Variants in PDIA5 observed in about 807,000 individuals in gnomAD.
PDIA5 encodes the protein protein disulfide-isomerase A5.
Under a neutral mutation model 77.6 loss-of-function variants are expected in PDIA5, and 58 were observed. That is an observed-to-expected ratio of 0.75 (90% CI 0.61 to 0.93). The LOEUF (loss-of-function observed/expected upper bound fraction) is 0.93, where lower values mean the gene tolerates loss of function less well. Ranked by LOEUF, PDIA5 falls within the 40% of genes least tolerant of loss-of-function variation. The probability of loss-of-function intolerance (pLI) is 0.00; values close to 1 mark genes in which losing one functional copy is unlikely to be tolerated. For synonymous variants in PDIA5, 250 were observed against 252.1 expected, an observed-to-expected ratio of 0.99 and a Z score of 0.08; for missense variants, 630 against 647.7, an observed-to-expected ratio of 0.97 and a Z score of 0.30.
In PDIA5 at chr3:123,120,479, C is replaced by A. The variant is rs576918017; in HGVS notation, c.610-3587C>A. ...TCTCTTCCCTACAGCTGCCCTGCACCACATTCCTTCCACCGGCTAGATGGG... is the reference window on the plus strand; with the variant it reads ...TCTCTTCCCTACAGCTGCCCTGCACAACATTCCTTCCACCGGCTAGATGGG... On this transcript the variant is annotated intron_variant, in intron 8 of 16. Coordinates refer to ENST00000316218, the MANE Select transcript of PDIA5 (RefSeq NM_006810.4). Among the ~76,000 whole-genome samples the A allele has an allele frequency of 7.2e-5, 11 of 152,356 alleles. No homozygotes were observed. The East Asian group carries it at 2.1e-3, about 29-fold the overall frequency.
chr3:123,146,030 T>C, intron 12 of PDIA5, 69 bp from the exon 13 acceptor site: 8 of 1,477,604 alleles, frequency 5.4e-6, no homozygotes, highest in Non-Finnish European at 6.5e-6. Context: ...GGGCAGCGTC[T>C]GGGCTCCTGT....
At chr3:123,097,683 G>C (rs544755722) in intron 3 of PDIA5, among the ~76,000 whole-genome samples, 2 of 151,552 alleles carry the variant, frequency 1.3e-5, no homozygotes, top group African/African-American at 2.4e-5. Flanking sequence ...CTCAGCACTC[G>C]CCCCCGCCCC....
intron 1 of PDIA5, among the ~76,000 whole-genome samples, chr3:123,085,872 T>C (rs1047276860): frequency 1.1e-4 from 16 of 152,226 alleles, no homozygotes; most frequent in Non-Finnish European, 2.9e-5. Context: ...TTATTTTTTT[T>C]CCCTTTAATC....
At chr3:123,105,355 A>G (rs1934699741) in intron 5 of PDIA5, among the ~76,000 whole-genome samples, 1 of 152,098 alleles carries the variant, frequency 6.6e-6, no homozygotes, top group South Asian at 2.1e-4. Flanking sequence ...CATCTTTCTC[A>G]CATGGCCTGG....
chr3:123,150,276 G>C lies in PDIA5; in HGVS notation c.1185G>C (p.Gln395His). ...PPPPEPTWEE[Q>H]QTSVLHLVGD... ...CCCCAGAGCCCACGTGGGAAGAGCA[G>C]CAGACAAGCGTGTTGCACCTGGTGG... Residue 395 changes from glutamine to histidine, a missense_variant, in exon 14 of 17, where the codon CAG becomes CAC. By Grantham distance (24) the Gln-to-His change is conservative. Coordinates refer to ENST00000316218, the MANE Select transcript of PDIA5 (RefSeq NM_006810.4). The C allele has an allele frequency of 6.2e-7, 1 of 1,613,522 alleles. No homozygotes were observed. The highest frequency in any genetic ancestry group is 8.5e-7 in the Non-Finnish European group (1 of 1,179,624).
chr3:123,132,838 C>A (rs1309357064), intron 11 of PDIA5, among the ~76,000 whole-genome samples: 5 of 152,186 alleles, frequency 3.3e-5, no homozygotes, highest in Non-Finnish European at 5.9e-5. Flanking sequence ...GGTCTTCATC[C>A]CCATGTGTCT....
At chr3:123,112,979 A>G (rs1361711548) in intron 7 of PDIA5, among the ~76,000 whole-genome samples, 2 of 152,174 alleles carry the variant, frequency 1.3e-5, no homozygotes, top group African/African-American at 4.8e-5. Context: ...CACTTGCTGT[A>G]GATCCAGCTC....
At chr3:123,091,233 T>C (rs1042944995) in intron 2 of PDIA5, among the ~76,000 whole-genome samples, 1 of 152,204 alleles carries the variant, frequency 6.6e-6, no homozygotes, top group African/African-American at 2.4e-5. Context: ...TGTTTGCTTC[T>C]GTGAAAGGCT....
At chr3:123,102,631 T>A (rs2241962) in intron 4 of PDIA5, 120 bp from the exon 5 acceptor site, 698,688 of 817,868 alleles carry the variant, frequency 0.85, 298,655 homozygotes, top group Non-Finnish European at 0.89. Context: ...TTATTTCTTT[T>A]AAAAAAAAAT....
intron 11 of PDIA5, among the ~76,000 whole-genome samples, chr3:123,133,201 GA>G (rs1935412728): frequency 6.6e-6 from 1 of 152,194 alleles, no homozygotes; most frequent in African/African-American, 2.4e-5. Flanking sequence ...CAGTGATCAA[GA>G]AACCACTTTT....
At chr3:123,117,222 G>T (rs899400416) in intron 8 of PDIA5, among the ~76,000 whole-genome samples, 2 of 151,488 alleles carry the variant, frequency 1.3e-5, no homozygotes, top group Non-Finnish European at 2.9e-5. Context: ...CAGTTCAGTA[G>T]CATTAAGTAT....
chr3:123,067,537 G>C (rs959513519), intron 1 of PDIA5: 4 of 327,110 alleles, frequency 1.2e-5, no homozygotes, highest in African/African-American at 4.3e-5. Context: ...GGCGGGCTGC[G>C]GGGTGAGCTC....
intron 11 of PDIA5, chr3:123,145,177 CCTGCCCTCTTGG>C (rs1935739360): frequency 4.4e-6 from 1 of 228,328 alleles, no homozygotes; most frequent in African/African-American, 2.3e-5. Context: ...TGGGCAGTCA[CCTGCCCTCTTGG>C]TGCCTCAATT....
chr3:123,130,411 G>A, intron 10 of PDIA5, 69 bp from the exon 11 acceptor site: 1 of 1,519,258 alleles, frequency 6.6e-7, no homozygotes, highest in Non-Finnish European at 8.9e-7. Flanking sequence ...GGGTCCAGGG[G>A]CCTGGAATTA....
intron 1 of PDIA5, among the ~76,000 whole-genome samples, chr3:123,072,023 G>T (rs1443968943): frequency 6.6e-6 from 1 of 150,728 alleles, no homozygotes; most frequent in Non-Finnish European, 1.5e-5. Flanking sequence ...TAAATGCCTG[G>T]CAAAGCTGTG....
chr3:123,069,545 G>A (rs551877125), intron 1 of PDIA5, among the ~76,000 whole-genome samples: 35 of 152,242 alleles, frequency 2.3e-4, no homozygotes, highest in Middle Eastern at 3.4e-3. Flanking sequence ...CCAAAAGTCC[G>A]AAATCAGGGT....
rs66567660 is a variant in PDIA5, at chr3:123,072,912, C to CTGTGTGTG, written c.42+5730_42+5737dup. ...GTTTATTTGCCCCCTACCTCTCCTT[C>CTGTGTGTG]TGTGTGTGTGTGTGTGTGTGTGTGT... On this transcript the variant is annotated intron_variant, in intron 1 of 16. Coordinates refer to ENST00000316218, the MANE Select transcript of PDIA5 (RefSeq NM_006810.4). Among the ~76,000 whole-genome samples the CTGTGTGTG allele has an allele frequency of 3.0e-3, 439 of 146,904 alleles. 1 individual carries two copies. The highest frequency in any genetic ancestry group is 6.9e-3 in the African/African-American group (271 of 39,044).
intron 1 of PDIA5, among the ~76,000 whole-genome samples, chr3:123,071,958 G>C (rs79923247): frequency 0.048 from 7,344 of 152,258 alleles, 211 homozygotes; most frequent in Middle Eastern, 0.11. Context: ...TGGAGGGAGG[G>C]TTTGAGTCTG....
rs776459356 is a variant in PDIA5 at position 123,161,397 on chromosome 3, C to T, written c.1421C>T (p.Pro474Leu). The T allele has an allele frequency of 3.7e-6, 6 of 1,614,168 alleles. No individual in the cohort carries two copies. Among genetic ancestry groups the T allele is most frequent in the South Asian group, 1.1e-5 (1 of 91,080 alleles). Residue 474 changes from proline (P) to leucine (L), a missense_variant, in exon 16 of 17, where the codon CCC (proline) becomes CTC (leucine). Physicochemically the swap from Pro to Leu is moderately conservative, Grantham distance 98. Coordinates refer to ENST00000316218, the MANE Select transcript of PDIA5 (RefSeq NM_006810.4). ...LCQQEAVKGY[P>L]TFHYYHYGKF... ...CAGCAGGAGGCGGTCAAGGGCTACC[C>T]CACTTTCCACTACTACCACTATGGG...
Sources: gnomAD v4.1 joint callset for allele counts (sites outside exome capture counted in the v4.1 genomes callset) on GRCh38, gnomAD v4.1.1 for gene constraint, MANE v1.5 for transcripts, NCBI Gene and HGNC (gene_info 2026-07-23, HGNC 2026-07-21) for gene names.